RSAD2: variants seen among roughly 807,000 people sequenced by gnomAD.
RSAD2 encodes the protein radical S-adenosyl methionine domain containing 2.
In RSAD2, 38 loss-of-function variants were observed where a neutral mutation model predicts 37.7. The observed-to-expected ratio is 1.01, with a 90% CI of 0.78 to 1.32. The LOEUF is 1.32. RSAD2 is among the 40% of genes most tolerant of loss of function. RSAD2 has a pLI of 0.00. For synonymous variants in RSAD2, 163 were observed against 157.4 expected (o/e 1.04, Z -0.27); for missense variants, 428 against 437.5 (o/e 0.98, Z 0.19).
At chr2:6,889,658 C>T (rs927947607) in intron 3 of RSAD2, among the ~76,000 whole-genome samples, 2 of 152,182 alleles carry the variant, frequency 1.3e-5, no homozygotes, top group African/African-American at 2.4e-5. Flanking sequence ...GAATAATACA[C>T]TGTCCACACT....
At chr2:6,887,201 A>G (rs898596700) in intron 3 of RSAD2, 37 bp downstream of exon 3, 9 of 1,498,504 alleles carry the variant, frequency 6.0e-6, no homozygotes, top group Middle Eastern at 1.7e-4. Flanking sequence ...ATTTCCTTCA[A>G]GAAAACTTTC....
chr2:6,885,904 G>T (rs1033900593), intron 2 of RSAD2, among the ~76,000 whole-genome samples: 1 of 152,142 alleles, frequency 6.6e-6, no homozygotes, highest in Non-Finnish European at 1.5e-5. Context: ...TTAAATTATG[G>T]ACAGTTGCCT....
intron 4 of RSAD2, among the ~76,000 whole-genome samples, chr2:6,890,772 A>G (rs1231857754): frequency 6.6e-6 from 1 of 152,230 alleles, no homozygotes; most frequent in Non-Finnish European, 1.5e-5. Context: ...CACAGAATGT[A>G]GAAGAAATGT....
chr2:6,868,732 C>T lies in RSAD2; in HGVS notation c.142+2687C>T, dbSNP rs901881441. On this transcript the variant is annotated intron_variant, in intron 1 of 5. Coordinates refer to the RSAD2 transcript ENST00000442639. ...TCTCCTCTCTCTTGGAGTTGGTTTT[C>T]TCACAAAGAAATGCTGTTGATACAG... 4.6e-5 allele frequency among the ~76,000 whole-genome samples: 7 copies of T among 152,188 alleles called. No homozygotes were observed. The East Asian group carries it at 1.3e-3, about 29-fold the overall frequency.
rs199798479 is a variant in RSAD2 at position 6,895,795 on chromosome 2, T to C, written c.939T>C (p.Cys313=). ...TTTTCTAGATGCGCTTTCTGAACTG[T>C]AGAAAGGGACGGAAGGACCCTTCCA... The part of the protein sequence containing the change: ...ILDEYMRFLN[C]RKGRKDPSKS... The change falls in exon 6 of 6, where the codon TGT becomes TGC. Residue 313 remains cysteine (C), a synonymous_variant. Coordinates refer to ENST00000382040, the MANE Select transcript of RSAD2 (RefSeq NM_080657.5). 7 of 1,613,938 alleles carry C rather than the reference T, an allele frequency of 4.3e-6. No individual in the cohort carries two copies. The highest frequency in any genetic ancestry group is 2.2e-5 in the East Asian group (1 of 44,884).
upstream of RSAD2, among the ~76,000 whole-genome samples, chr2:6,872,993 A>G (rs1558332340): frequency 6.6e-6 from 1 of 152,074 alleles, no homozygotes; most frequent in Non-Finnish European, 1.5e-5. Context: ...GATCTATATA[A>G]TTTTCCTGTT....
intron 5 of RSAD2, among the ~76,000 whole-genome samples, chr2:6,895,327 T>C (rs1663751260): frequency 6.6e-6 from 1 of 152,260 alleles, no homozygotes; most frequent in South Asian, 2.1e-4. Context: ...TATGCATGCA[T>C]GCACGGATGC....
rs752426480 is a variant in RSAD2 at position 6,883,369 on chromosome 2, A to T, written c.347-2A>T. ...GTAAAATTCATGTATCACCTTGCAC[A>T]GGTATGGAGAAGATCAACTTTTCAG... On this transcript the variant is annotated splice_acceptor_variant, in intron 1 of 5. Coordinates refer to ENST00000382040, the MANE Select transcript of RSAD2 (RefSeq NM_080657.5). LOFTEE classifies it high-confidence loss of function. 3 of 1,614,012 alleles carry T rather than the reference A, an allele frequency of 1.9e-6. No individual in the cohort carries two copies. Among genetic ancestry groups the T allele is most frequent in the Non-Finnish European group, 2.5e-6 (3 of 1,179,928 alleles).
upstream of RSAD2, chr2:6,877,733 G>T: frequency 8.0e-7 from 1 of 1,246,516 alleles, no homozygotes; most frequent in South Asian, 1.5e-5. Context: ...AGAGACTGCT[G>T]ATTTCCATCC....
chr2:6,869,301 T>C (rs914722914), intron 1 of RSAD2, among the ~76,000 whole-genome samples: 4 of 152,168 alleles, frequency 2.6e-5, no homozygotes, highest in African/African-American at 4.8e-5. Context: ...TCCTGAGTCT[T>C]ATGAGTCCTG....
chr2:6,884,806 T>C (rs1306804286), intron 2 of RSAD2, among the ~76,000 whole-genome samples: 1 of 152,228 alleles, frequency 6.6e-6, no homozygotes, highest in Non-Finnish European at 1.5e-5. Context: ...GTTTCATTGA[T>C]TTTTGTGCAG....
intron 1 of RSAD2, among the ~76,000 whole-genome samples, chr2:6,878,501 C>T (rs1210344954): frequency 6.6e-6 from 1 of 152,044 alleles, no homozygotes; most frequent in Admixed American, 6.5e-5. Context: ...CTGAGTTTGC[C>T]CACAACACTA....
At position 6,877,788 on chromosome 2, in the gene RSAD2, G is replaced by C; in HGVS notation, c.-13G>C. On this transcript the variant is annotated 5_prime_UTR_variant, in exon 1 of 6. Transcript: ENST00000382040. ...GGCATACAGAGACTGCTCTGCTCCA[G>C]GCATCTGCCACAATGTGGGTGCTTA... The C allele has an allele frequency of 6.2e-7, 1 of 1,608,648 alleles. No individual in the cohort carries two copies. Among genetic ancestry groups the C allele is most frequent in the South Asian group, 1.1e-5 (1 of 90,552 alleles).
At chr2:6,894,946 A>G (rs775879312) in intron 5 of RSAD2, among the ~76,000 whole-genome samples, 1 of 152,262 alleles carries the variant, frequency 6.6e-6, no homozygotes, top group Non-Finnish European at 1.5e-5. Flanking sequence ...TTTGACCAGC[A>G]TCCCTCAACA....
intron 3 of RSAD2, among the ~76,000 whole-genome samples, chr2:6,888,521 C>T (rs4669112): frequency 0.73 from 111,048 of 152,122 alleles, 42,306 homozygotes; most frequent in East Asian, 0.84. Flanking sequence ...CCACCTCTCT[C>T]GTCTTCCCTA....
chr2:6,896,633 C>G lies in RSAD2; in HGVS notation c.*691C>G, dbSNP rs1418117790. The G allele has an allele frequency of 6.6e-6, 1 of 151,526 alleles. No homozygotes were observed. Among genetic ancestry groups the G allele is most frequent in the African/African-American group, 2.4e-5 (1 of 41,168 alleles). The allele number at this position is 151,526 out of a possible 1,614,324, so 9.4% of individuals were successfully genotyped here. A position where few individuals can be genotyped will look rare whatever the true frequency, so the allele number is the denominator to read the frequency against. ...TCCAAGAACATATGATATGATAATC[C>G]TACCAATTTTCAAGAAGTCTCTAGA... On this transcript the variant is annotated 3_prime_UTR_variant, in exon 6 of 6. Coordinates refer to ENST00000382040, the MANE Select transcript of RSAD2 (RefSeq NM_080657.5).
upstream of RSAD2, among the ~76,000 whole-genome samples, chr2:6,874,626 G>T (rs184137289): frequency 2.0e-5 from 3 of 152,092 alleles, no homozygotes; most frequent in Admixed American, 6.6e-5. Context: ...TTAATTAACC[G>T]AAAGTAAGTA....
rs533147893 is a variant in RSAD2 at position 6,885,206 on chromosome 2, C to G, written c.508+1674C>G. Among the ~76,000 whole-genome samples the G allele has an allele frequency of 2.0e-5, 3 of 152,288 alleles. No individual in the cohort carries two copies. The South Asian group carries it at 6.2e-4, about 32-fold the overall frequency. ...ACACAGGCTCTGAGTCCTTCTCCAT[C>G]CCAGGCCTCATAGGTTGTACTTTCT... On this transcript the variant is annotated intron_variant, in intron 2 of 5. Coordinates refer to ENST00000382040, the MANE Select transcript of RSAD2 (RefSeq NM_080657.5).
At chr2:6,876,777 A>C (rs758972737), upstream of RSAD2, 5 of 152,232 alleles carry the variant, frequency 3.3e-5, no homozygotes, top group Non-Finnish European at 5.9e-5. Flanking sequence ...TTTGCCAGGC[A>C]CTATTCTGAA....
Sources: gnomAD v4.1 joint callset for allele counts (sites outside exome capture counted in the v4.1 genomes callset) on GRCh38, gnomAD v4.1.1 for gene constraint, MANE v1.5 for transcripts, NCBI Gene and HGNC (gene_info 2026-07-23, HGNC 2026-07-21) for gene names.